Variants in FANK1 observed in about 807,000 individuals in gnomAD.
FANK1 encodes the protein fibronectin type III and ankyrin repeat domains 1.
In FANK1, 44 loss-of-function variants were observed where a neutral mutation model predicts 45.3. The observed-to-expected ratio is 0.97, with a 90% confidence interval of 0.76 to 1.25. The LOEUF (loss-of-function observed/expected upper bound fraction) is 1.25. FANK1 is among the 50% of genes most tolerant of loss of function. FANK1 has a pLI of 0.00. For synonymous variants in FANK1, 149 were observed against 152.5 expected, an observed-to-expected ratio of 0.98 and a Z score of 0.17; for missense variants, 391 against 424.4, an observed-to-expected ratio of 0.92 and a Z score of 0.69.
intron 2 of FANK1, among the ~76,000 whole-genome samples, chr10:125,986,959 A>C (rs1368436400): frequency 1.3e-5 from 2 of 152,194 alleles, no homozygotes; most frequent in Non-Finnish European, 2.9e-5. Flanking sequence ...GAAAGAATCC[A>C]GTGGGGGCTG....
rs188181349 is a variant in FANK1 at position 125,968,984 on chromosome 10, T to G, written c.14-11177T>G. Reference sequence around the variant, plus strand: ...GTGGCACCAGAGGCATAAAATTGTTTTATTTGTCAGATTTGCATAAGAACT... The same window carrying G: ...GTGGCACCAGAGGCATAAAATTGTTGTATTTGTCAGATTTGCATAAGAACT... On this transcript the variant is annotated intron_variant, in intron 1 of 10. Coordinates refer to ENST00000368693, the MANE Select transcript of FANK1 (RefSeq NM_145235.5). Among the ~76,000 whole-genome samples the G allele has an allele frequency of 1.8e-3, 281 of 152,318 alleles. 1 individual carries two copies. The highest frequency in any genetic ancestry group is 6.4e-3 in the African/African-American group (265 of 41,570).
At chr10:125,989,167 C>A in intron 3 of FANK1, 1 of 872,378 alleles carries the variant, frequency 1.1e-6, no homozygotes, top group Non-Finnish European at 1.8e-6. Context: ...CACGGAGAAT[C>A]CTGTGAGGGA....
chr10:125,950,806 C>T (rs1158352808), intron 1 of FANK1, among the ~76,000 whole-genome samples: 18 of 146,706 alleles, frequency 1.2e-4, no homozygotes, highest in East Asian at 6.2e-4. Context: ...ATGTTTATTG[C>T]GGCATTATTC....
intron 1 of FANK1, among the ~76,000 whole-genome samples, chr10:125,957,671 C>T (rs1004767981): frequency 2.0e-5 from 3 of 152,058 alleles, no homozygotes; most frequent in African/African-American, 7.2e-5. Context: ...ACTACAGGCA[C>T]CCGGCACCAC....
intron 3 of FANK1, among the ~76,000 whole-genome samples, chr10:125,993,008 G>T (rs144771073): frequency 1.3e-5 from 2 of 152,294 alleles, no homozygotes; most frequent in Non-Finnish European, 2.9e-5. Flanking sequence ...CCTCATGGAA[G>T]ACTTGGCCTT....
intron 7 of FANK1, 108 bp downstream of exon 7, chr10:126,005,157 T>A: frequency 7.3e-7 from 1 of 1,365,392 alleles, no homozygotes. Flanking sequence ...TTAGAAATGC[T>A]GGAGAAAGTT....
intron 6 of FANK1, 33 bp from the exon 7 acceptor site, chr10:126,004,851 A>G (rs1564973227): frequency 6.2e-7 from 1 of 1,610,254 alleles, no homozygotes; most frequent in Non-Finnish European, 8.5e-7. Context: ...GACTGTGCTT[A>G]TTGTCAAATG....
intron 1 of FANK1, among the ~76,000 whole-genome samples, chr10:125,965,152 G>A (rs1002227454): frequency 1.3e-5 from 2 of 152,060 alleles, no homozygotes; most frequent in South Asian, 2.1e-4. Context: ...GCAAAACTCC[G>A]TCTCTAAATA....
chr10:126,008,673 G>GC, intron 8 of FANK1, 123 bp downstream of exon 8: 1 of 1,139,142 alleles, frequency 8.8e-7, no homozygotes, highest in South Asian at 1.6e-5. Flanking sequence ...CTGTGTGTGT[G>GC]TGTTCCCTGT....
intron 1 of FANK1, among the ~76,000 whole-genome samples, chr10:125,979,290 C>G (rs1951047346): frequency 6.6e-6 from 1 of 152,144 alleles, no homozygotes; most frequent in African/African-American, 2.4e-5. Context: ...CCCTTCTGTT[C>G]CTCTCCGTGA....
At chr10:125,991,279 T>TGTGTGTGTGTGTG (rs1590196322) in intron 3 of FANK1, among the ~76,000 whole-genome samples, 1 of 66,180 alleles carries the variant, frequency 1.5e-5, no homozygotes, top group South Asian at 4.5e-4. Flanking sequence ...GTGTGTGTGT[T>TGTGTGTGTGTGTG]GGGGGAGTGA....
chr10:126,008,483 C>T lies in FANK1; in HGVS notation c.782C>T (p.Ala261Val), dbSNP rs763653400. 3.7e-6 allele frequency: 6 copies of T among 1,613,300 alleles called. No homozygotes were observed. The highest frequency in any genetic ancestry group is 1.7e-5 in the Admixed American group (1 of 59,924). Residue 261 changes from alanine (A) to valine (V), a missense_variant, in exon 8 of 11, where the codon GCC (alanine) becomes GTC (valine). By Grantham distance (64) the Ala-to-Val change is moderately conservative. Coordinates refer to ENST00000368693, the MANE Select transcript of FANK1 (RefSeq NM_145235.5). The stretch of plus-strand genomic sequence containing the variant: ...GCGGTGTCGGGAAATCAGAGGGTGG[C>T]CTCTCTTCTAATTGATGCTGGGGCC... ...VSAVSGNQRV[A>V]SLLIDAGANV...
chr10:126,004,711 T>C, intron 6 of FANK1, 173 bp from the exon 7 acceptor site: 2 of 612,380 alleles, frequency 3.3e-6, no homozygotes, highest in Middle Eastern at 4.1e-4. Context: ...ATTGTATGGA[T>C]ATACCACATT....
chr10:125,950,859 A>T (rs531140287), intron 1 of FANK1, among the ~76,000 whole-genome samples: 2,729 of 149,154 alleles, frequency 0.018, 96 homozygotes, highest in African/African-American at 0.063. Context: ...TCCAACAATG[A>T]TAGACTGGAT....
chr10:125,976,261 A>G (rs1030398209), intron 1 of FANK1, among the ~76,000 whole-genome samples: 7 of 152,072 alleles, frequency 4.6e-5, no homozygotes, highest in South Asian at 2.1e-4. Flanking sequence ...TTTCATTTCA[A>G]CGTTGGAAAA....
At chr10:125,943,483 T>C (rs1395919114) in intron 1 of FANK1, among the ~76,000 whole-genome samples, 1 of 152,194 alleles carries the variant, frequency 6.6e-6, no homozygotes, top group Non-Finnish European at 1.5e-5. Context: ...TCATAACCAT[T>C]AGAAACCATT....
At chr10:125,994,036 GAACT>G (rs1952127425) in intron 3 of FANK1, among the ~76,000 whole-genome samples, 2 of 152,158 alleles carry the variant, frequency 1.3e-5, no homozygotes, top group Admixed American at 6.5e-5. Context: ...CTATGCCCAG[GAACT>G]GGCATCCCAG....
intron 7 of FANK1, among the ~76,000 whole-genome samples, chr10:126,007,729 C>T (rs1008422778): frequency 6.6e-6 from 1 of 152,198 alleles, no homozygotes; most frequent in Admixed American, 6.5e-5. Context: ...AAACACGTAT[C>T]TGTCTTTACT....
chr10:125,993,966 T>G (rs1952121808), intron 3 of FANK1, among the ~76,000 whole-genome samples: 1 of 152,204 alleles, frequency 6.6e-6, no homozygotes, highest in African/African-American at 2.4e-5. Context: ...AGTTTGTACA[T>G]TGCCCAATTC....
Sources: allele counts gnomAD v4.1 joint callset (sites outside exome capture counted in the v4.1 genomes callset), GRCh38; gene constraint gnomAD v4.1.1; transcripts MANE v1.5; gene names NCBI Gene and HGNC (gene_info 2026-07-23, HGNC 2026-07-21).